KCNK4: variants seen among roughly 807,000 people sequenced by gnomAD.
KCNK4 encodes potassium two pore domain channel subfamily K member 4, also known as potassium channel subfamily K member 4.
Under a neutral mutation model 28.8 loss-of-function variants are expected in KCNK4, and 22 were observed. That is an observed-to-expected ratio of 0.76 (90% CI 0.55 to 1.09). KCNK4 has a LOEUF of 1.09. Among genes scored for constraint, KCNK4 ranks in the 50% least tolerant of loss-of-function variants. KCNK4 has a pLI of 0.00. For synonymous variants in KCNK4, 263 were observed against 252.9 expected, an observed-to-expected ratio of 1.04 and a Z score of -0.38; for missense variants, 483 against 546.3, an observed-to-expected ratio of 0.88 and a Z score of 1.15.
At chr11:64,299,209 TG>T in intron 6 of KCNK4, 136 bp from the exon 7 acceptor site, 1 of 796,994 alleles carries the variant, frequency 1.3e-6, no homozygotes. Flanking sequence ...CTTCCATCCT[TG>T]GGGCTGGCTG....
At chr11:64,296,539 A>G (rs1399228879) in intron 2 of KCNK4, among the ~76,000 whole-genome samples, 1 of 152,052 alleles carries the variant, frequency 6.6e-6, no homozygotes, top group Non-Finnish European at 1.5e-5. Flanking sequence ...CAGAGAGTTC[A>G]CTTGCTCAAG....
rs1211261052 is a variant in KCNK4, at chr11:64,299,631, C to T, written c.1087C>T (p.Arg363Cys). 6 of 1,607,800 alleles carry T rather than the reference C, an allele frequency of 3.7e-6. No individual in the cohort carries two copies. In the African/African-American group the frequency reaches 5.4e-5, roughly 14 times the overall value. ...GAGCGAGCGCGGCTGCCCGCTGCCC[C>T]GCGCGCCGAGAGGTCGCCGCCGCCC... ...TQSERGCPLP[R>C]APRGRRRPNP... is the part of the protein sequence containing the mutation. Residue 363 changes from arginine (R) to cysteine (C), a missense_variant, in exon 7 of 7, where the codon CGC (arginine) becomes TGC (cysteine). Physicochemically the swap from Arg to Cys is radical, Grantham distance 180. Transcript: ENST00000422670.
chr11:64,297,030 C>A, intron 3 of KCNK4, 29 bp downstream of exon 3: 2 of 1,576,012 alleles, frequency 1.3e-6, no homozygotes, highest in Non-Finnish European at 1.7e-6. Context: ...ATGTGGGGGG[C>A]GGCAAGGAGC....
At chr11:64,292,112 A>T (rs2034644572) in intron 1 of KCNK4, 2 of 1,026,060 alleles carry the variant, frequency 1.9e-6, no homozygotes, top group Non-Finnish European at 1.2e-6. Flanking sequence ...CGGAGAGTGC[A>T]GGTGGGGTGC....
intron 2 of KCNK4, chr11:64,296,250 A>G (rs2034762154): frequency 6.6e-6 from 1 of 152,108 alleles, no homozygotes; most frequent in South Asian, 2.1e-4. Flanking sequence ...GTGTGTGCAT[A>G]TAAACCTCCT....
chr11:64,297,022 G>T, intron 3 of KCNK4, 21 bp downstream of exon 3: 1 of 1,574,740 alleles, frequency 6.4e-7, no homozygotes. Context: ...GGATTGGCAT[G>T]TGGGGGGCGG....
chr11:64,297,476 G>T lies in KCNK4; in HGVS notation c.484G>T (p.Val162Leu), dbSNP rs1565369710. 6.2e-7 allele frequency: 1 copy of T among 1,614,060 alleles called. No individual in the cohort carries two copies. Among genetic ancestry groups the T allele is most frequent in the Non-Finnish European group, 8.5e-7 (1 of 1,179,984 alleles). ...HIEAIFLKWH[V>L]PPELVRVLSA... is the part of the protein sequence containing the mutation. ...CTGCCCCATCCCGCAGAAGTGGCAC[G>T]TGCCACCGGAGCTAGTAAGAGTGCT... The change falls in exon 5 of 7, where the codon GTG (valine) becomes TTG (leucine). Residue 162 changes from valine to leucine, a missense_variant. Transcript: ENST00000422670.
chr11:64,299,410 G>A lies in KCNK4; in HGVS notation c.866G>A (p.Arg289Gln), dbSNP rs1044774283. Residue 289 changes from arginine to glutamine, a missense_variant, in exon 7 of 7, where the codon CGA becomes CAA. Coordinates refer to ENST00000422670, the MANE Select transcript of KCNK4 (RefSeq NM_033310.3). The stretch of plus-strand genomic sequence containing the variant: ...ACGGTGACAGCGCGCGTGACCCAGC[G>A]AGCCGGGCCCGCCGCCCCGCCGCCG... ...TGTVTARVTQ[R>Q]AGPAAPPPEK... 2.5e-5 allele frequency: 39 copies of A among 1,573,552 alleles called. No individual in the cohort carries two copies. Among genetic ancestry groups the A allele is most frequent in the Non-Finnish European group, 3.4e-5 (39 of 1,162,552 alleles).
At position 64,297,652 on chromosome 11, in the gene KCNK4, C is replaced by T. The variant is rs1293225926; in HGVS notation, c.660C>T (p.Ala220=). 8 of 1,607,792 alleles carry T rather than the reference C, an allele frequency of 5.0e-6. No individual in the cohort carries two copies. Among genetic ancestry groups the T allele is most frequent in the Non-Finnish European group, 4.3e-6 (5 of 1,175,120 alleles). ...CCGTGGGCTTTGGCGACTATGTGGC[C>T]GGTGAGGCCGCCCTTCTTGTGCTGC... is the stretch of plus-strand genomic sequence containing the variant. ...LTTVGFGDYV[A]GADPRQDSPA... The change falls in exon 5 of 7, where the codon GCC becomes GCT. Residue 220 remains alanine (A), a splice_region_variant and synonymous_variant. Coordinates refer to ENST00000422670, the MANE Select transcript of KCNK4 (RefSeq NM_033310.3).
chr11:64,296,572 C>T (rs938241188), intron 2 of KCNK4, among the ~76,000 whole-genome samples: 1 of 152,116 alleles, frequency 6.6e-6, no homozygotes, highest in Non-Finnish European at 1.5e-5. Flanking sequence ...AACATTTGAA[C>T]CCAGGCAGTC....
At chr11:64,296,248 A>G (rs676931) in intron 2 of KCNK4, 146,815 of 152,112 alleles carry the variant, frequency 0.97, 71,046 homozygotes, top group Middle Eastern at 1. Flanking sequence ...TTGTGTGTGC[A>G]TATAAACCTC....
chr11:64,291,896 T>G (rs1591223005), intron 1 of KCNK4: 3 of 387,678 alleles, frequency 7.7e-6, no homozygotes, highest in Non-Finnish European at 1.1e-5. Context: ...CCTCCGGGAG[T>G]GGTGTGGCCG....
intron 2 of KCNK4, among the ~76,000 whole-genome samples, chr11:64,293,631 C>T (rs2034695531): frequency 6.6e-6 from 1 of 152,058 alleles, no homozygotes; most frequent in Non-Finnish European, 1.5e-5. Flanking sequence ...GACGGAGTCT[C>T]CCTGTGTCAC....
intron 5 of KCNK4, 25 bp downstream of exon 5, chr11:64,297,678 A>G (rs770914267): frequency 6.3e-7 from 1 of 1,598,724 alleles, no homozygotes; most frequent in East Asian, 2.2e-5. Context: ...CTTGTGCTGC[A>G]CTTTCCCATC....
chr11:64,294,827 A>T (rs1056626630), intron 2 of KCNK4, among the ~76,000 whole-genome samples: 79 of 149,450 alleles, frequency 5.3e-4, no homozygotes, highest in African/African-American at 1.9e-3. Context: ...CATCTCTGAC[A>T]CTTACAGAAT....
chr11:64,297,298 T>A lies in KCNK4; in HGVS notation c.474+19T>A. 1 of 1,601,908 alleles carries A rather than the reference T, an allele frequency of 6.2e-7. No homozygotes were observed. Among genetic ancestry groups the A allele is most frequent in the Non-Finnish European group, 8.5e-7 (1 of 1,172,752 alleles). ...CTTCTTGGTGAGCTGCTCCATGCCC[T>A]GCCTGCCCTTGTGCTGGGCTCCGGC... On this transcript the variant is annotated intron_variant, in intron 4 of 6. Coordinates refer to ENST00000422670, the MANE Select transcript of KCNK4 (RefSeq NM_033310.3).
At chr11:64,299,050 G>GAAAAAAAAAAAAA (rs56097945) in intron 6 of KCNK4, among the ~76,000 whole-genome samples, 18 of 85,080 alleles carry the variant, frequency 2.1e-4, no homozygotes, top group South Asian at 4.3e-4. Flanking sequence ...AAAAAAAGAA[G>GAAAAAAAAAAAAA]AAAAAAAAAA....
At chr11:64,295,449 A>G (rs973955603) in intron 2 of KCNK4, among the ~76,000 whole-genome samples, 3 of 152,230 alleles carry the variant, frequency 2.0e-5, no homozygotes, top group African/African-American at 7.2e-5. Flanking sequence ...ACCTGGAGTT[A>G]GCAGATGCCT....
At chr11:64,291,896 T>C in intron 1 of KCNK4, 1 of 387,678 alleles carries the variant, frequency 2.6e-6, no homozygotes, top group South Asian at 3.7e-5. Context: ...CCTCCGGGAG[T>C]GGTGTGGCCG....
Sources: gnomAD v4.1 joint callset for allele counts (sites outside exome capture counted in the v4.1 genomes callset) on GRCh38, gnomAD v4.1.1 for gene constraint, MANE v1.5 for transcripts, NCBI Gene and HGNC (gene_info 2026-07-23, HGNC 2026-07-21) for gene names.